The following SIPA1L2 variants were observed in gnomAD, a reference collection of about 807,000 sequenced individuals.
The protein encoded by SIPA1L2 is signal induced proliferation associated 1 like 2, also known as signal-induced proliferation-associated 1-like protein 2.
SIPA1L2 carries 56 observed loss-of-function variants against 163.9 expected under a neutral mutation model. That is an observed-to-expected ratio of 0.34 (90% CI 0.28 to 0.43). The LOEUF is 0.43. Ranked by LOEUF, SIPA1L2 falls within the 20% of genes least tolerant of loss-of-function variation. The pLI is 1.00. For missense variants in SIPA1L2, 1,974 were observed against 2,193.5 expected, an observed-to-expected ratio of 0.90 and a Z score of 2.00; for synonymous variants, 877 against 865.7, an observed-to-expected ratio of 1.01 and a Z score of -0.23.
chr1:232,554,710 T>C (rs562434696), intron 2 of SIPA1L2, among the ~76,000 whole-genome samples: 4 of 152,242 alleles, frequency 2.6e-5, no homozygotes, highest in Non-Finnish European at 5.9e-5. Context: ...CAGCCGTGTT[T>C]GGTGTGTGCC....
chr1:232,418,084 A>G (rs895958949), intron 18 of SIPA1L2, among the ~76,000 whole-genome samples: 1 of 152,254 alleles, frequency 6.6e-6, no homozygotes, highest in African/African-American at 2.4e-5. Context: ...TAAAGAAACA[A>G]TCCTTCATTC....
chr1:232,436,428 A>C (rs1444848686), intron 15 of SIPA1L2, among the ~76,000 whole-genome samples: 1 of 152,168 alleles, frequency 6.6e-6, no homozygotes, highest in Non-Finnish European at 1.5e-5. Context: ...GAGCACTTGG[A>C]GGCAGAAGTG....
intron 10 of SIPA1L2, among the ~76,000 whole-genome samples, chr1:232,451,521 A>T (rs566186503): frequency 6.6e-6 from 1 of 152,346 alleles, no homozygotes; most frequent in Admixed American, 6.5e-5. Context: ...TAGCACAAAA[A>T]GACATTTCTA....
chr1:232,501,880 G>A (rs1666499575), intron 3 of SIPA1L2, among the ~76,000 whole-genome samples: 1 of 152,140 alleles, frequency 6.6e-6, no homozygotes, highest in Non-Finnish European at 1.5e-5. Flanking sequence ...TACTAGGAGT[G>A]GTCTTGCTCT....
At chr1:232,490,435 GCCAGGGACTAGGT>G (rs1248636541) in intron 5 of SIPA1L2, among the ~76,000 whole-genome samples, 7 of 152,082 alleles carry the variant, frequency 4.6e-5, no homozygotes, top group Admixed American at 1.3e-4. Context: ...GTCCTCATAG[GCCAGGGACTAGGT>G]CTTAGTCAGC....
intron 7 of SIPA1L2, among the ~76,000 whole-genome samples, chr1:232,476,806 A>G (rs1431604843): frequency 1.3e-5 from 2 of 152,210 alleles, no homozygotes; most frequent in African/African-American, 2.4e-5. Flanking sequence ...AGCTTGATTT[A>G]TTACAAGAAG....
In SIPA1L2 at chr1:232,465,184, C is replaced by T; in HGVS notation, c.2476G>A (p.Val826Met). The T allele has an allele frequency of 1.2e-6, 2 of 1,614,206 alleles. No homozygotes were observed. The highest frequency in any genetic ancestry group is 1.7e-6 in the Non-Finnish European group (2 of 1,180,048). The change falls in exon 9 of 23, where the codon GTG (valine) becomes ATG (methionine). Residue 826 changes from valine (V) to methionine (M), a missense_variant. Val to Met is a conservative substitution (Grantham distance 21). Coordinates refer to ENST00000674635, the MANE Select transcript of SIPA1L2 (RefSeq NM_020808.5). This position sits in a 1 kb window ranked among gnomAD's most constrained non-coding sequence, Gnocchi z 4.1. ...CCCAGCGTAATGAAGCTGAACTTCACAGAGGTATCCACGGTGGCGGTTGTG... is the reference window on the plus strand; with the variant it reads ...CCCAGCGTAATGAAGCTGAACTTCATAGAGGTATCCACGGTGGCGGTTGTG... The part of the protein sequence containing the change: ...FVTTATVDTS[V>M]KFSFITLGAK...
At chr1:232,590,690 C>A (rs1210275445) in intron 1 of SIPA1L2, among the ~76,000 whole-genome samples, 4 of 151,884 alleles carry the variant, frequency 2.6e-5, no homozygotes, top group Admixed American at 2.6e-4. Context: ...GCATTCCTCC[C>A]AATATCTCTA....
chr1:232,629,255 G>A (rs534141393), intron 1 of SIPA1L2, among the ~76,000 whole-genome samples: 2 of 152,352 alleles, frequency 1.3e-5, no homozygotes, highest in Admixed American at 6.5e-5. Context: ...GGTGTTCCCA[G>A]GGATATTCCC....
chr1:232,580,510 C>T (rs1205034426), intron 1 of SIPA1L2, among the ~76,000 whole-genome samples: 2 of 152,132 alleles, frequency 1.3e-5, no homozygotes, highest in Non-Finnish European at 2.9e-5. Context: ...GGTTAAAATG[C>T]CTGACAGGAG....
intron 7 of SIPA1L2, among the ~76,000 whole-genome samples, chr1:232,477,316 G>C (rs1665097160): frequency 6.6e-6 from 1 of 152,122 alleles, no homozygotes; most frequent in South Asian, 2.1e-4. Flanking sequence ...TATATCTAAT[G>C]AATTATAAAA....
rs574114661 is a variant in SIPA1L2 at position 232,576,098 on chromosome 1, A to G, written c.-318-1876T>C. 2.3e-4 allele frequency among the ~76,000 whole-genome samples: 35 copies of G among 152,316 alleles called. No homozygotes were observed. In the South Asian group the frequency reaches 5.8e-3, roughly 25 times the overall value. ...GAAAATGGATGATGGTGATGGTTGC[A>G]CAACAGTCTCAATCTACGTAACATC... On this transcript the variant is annotated intron_variant, in intron 1 of 22. Transcript: ENST00000674635.
intron 14 of SIPA1L2, among the ~76,000 whole-genome samples, chr1:232,440,536 G>A (rs1166874172): frequency 6.6e-6 from 1 of 152,190 alleles, no homozygotes; most frequent in Non-Finnish European, 1.5e-5. Context: ...CAAGGTCGCG[G>A]TCACAGCTGA....
chr1:232,552,384 T>A (rs1457003423), intron 2 of SIPA1L2, among the ~76,000 whole-genome samples: 1 of 152,026 alleles, frequency 6.6e-6, no homozygotes, highest in Non-Finnish European at 1.5e-5. Context: ...ACAGACTAAG[T>A]AATTAGTAAA....
intron 1 of SIPA1L2, among the ~76,000 whole-genome samples, chr1:232,615,163 T>C (rs1465517559): frequency 6.6e-6 from 1 of 152,230 alleles, no homozygotes; most frequent in African/African-American, 2.4e-5. Flanking sequence ...AGCCCAAGAA[T>C]GGTGGCCACA....
At chr1:232,401,938 T>G (rs1388368602) in intron 22 of SIPA1L2, among the ~76,000 whole-genome samples, 3 of 152,194 alleles carry the variant, frequency 2.0e-5, no homozygotes, top group African/African-American at 7.2e-5. Context: ...TTAATTTCTT[T>G]TGAGGACAGA....
At chr1:232,448,368 C>T (rs10495323) in intron 10 of SIPA1L2, among the ~76,000 whole-genome samples, 47,768 of 152,060 alleles carry the variant, frequency 0.31, 8,273 homozygotes, top group East Asian at 0.56. Context: ...CATTCCAGAG[C>T]CAACATAAAA....
chr1:232,527,226 G>T lies in SIPA1L2; in HGVS notation c.-269-11618C>A, dbSNP rs188543308. Among the ~76,000 whole-genome samples the T allele has an allele frequency of 3.9e-3, 592 of 152,336 alleles. 8 individuals are homozygous for T. Among genetic ancestry groups the T allele is most frequent in the African/African-American group, 0.013 (561 of 41,568 alleles). Reference sequence around the variant, plus strand: ...AAATTAAAAAGCAGAAAAGAGGACAGGAGCAGAAAGGGCTCCATACTTTTT... The same window carrying T: ...AAATTAAAAAGCAGAAAAGAGGACATGAGCAGAAAGGGCTCCATACTTTTT... On this transcript the variant is annotated intron_variant, in intron 2 of 22. Coordinates refer to ENST00000674635, the MANE Select transcript of SIPA1L2 (RefSeq NM_020808.5).
At position 232,445,735 on chromosome 1, in the gene SIPA1L2, G is replaced by A. The variant is rs1323455914; in HGVS notation, c.3147C>T (p.Ser1049=). 6.2e-6 allele frequency: 10 copies of A among 1,613,630 alleles called. No homozygotes were observed. Among genetic ancestry groups the A allele is most frequent in the East Asian group, 2.2e-5 (1 of 44,856 alleles). Residue 1049 remains serine (S), a synonymous_variant, in exon 11 of 23, where the codon AGC becomes AGT. Transcript: ENST00000674635. ...TTTTATACTCGCAGGGGGTGCCCTCGCTGTCGAGTTTATATTCCACCATAG... is the reference window on the plus strand; with the variant it reads ...TTTTATACTCGCAGGGGGTGCCCTCACTGTCGAGTTTATATTCCACCATAG... The part of the protein sequence containing the change: ...RIPMVEYKLD[S]EGTPCEYKTP...
Sources: gnomAD v4.1 joint callset for allele counts (sites outside exome capture counted in the v4.1 genomes callset) on GRCh38, gnomAD v4.1.1 for gene constraint, Gnocchi (gnomAD v3.1) non-coding constraint, MANE v1.5 for transcripts, NCBI Gene and HGNC (gene_info 2026-07-23, HGNC 2026-07-21) for gene names.